The following NYX variants were observed in gnomAD, a reference collection of about 807,000 sequenced individuals.
NYX encodes the protein nyctalopin, also known as leucine-rich repeat protein.
For missense variants in NYX, 481 were observed against 485.4 expected, an observed-to-expected ratio of 0.99 and a Z score of 0.09; for synonymous variants, 258 against 245.7, an observed-to-expected ratio of 1.05 and a Z score of -0.47.
In NYX at chrX:41,456,349, G is replaced by A. The variant is rs767979554; in HGVS notation, c.22+8423G>A. Among the ~76,000 whole-genome samples the A allele has an allele frequency of 8.1e-5, 9 of 111,266 alleles. No individual in the cohort carries two copies. The South Asian group carries it at 3.4e-3, about 42-fold the overall frequency. On this transcript the variant is annotated intron_variant, in intron 2 of 2. Transcript: ENST00000378220. Reference sequence around the variant, plus strand: ...GAGGAGAGGCCAGGAAGAGGGAGATGGTTCTAGAGAGATTAAGGGAGCCTG... The same window carrying A: ...GAGGAGAGGCCAGGAAGAGGGAGATAGTTCTAGAGAGATTAAGGGAGCCTG...
At chrX:41,471,532 G>T (rs2064360104) in intron 2 of NYX, among the ~76,000 whole-genome samples, 1 of 111,974 alleles carries the variant, frequency 8.9e-6, no homozygotes, top group African/African-American at 3.2e-5. Flanking sequence ...TTCCTCTGGA[G>T]CCTCAGTAAA....
chrX:41,451,218 G>A (rs972946974), intron 2 of NYX, among the ~76,000 whole-genome samples: 1 of 111,887 alleles, frequency 8.9e-6, no homozygotes, highest in African/African-American at 3.2e-5. Context: ...TTGCTGCTGG[G>A]AATGTATAAT....
chrX:41,474,983 G>A lies in NYX; in HGVS notation c.*84G>A. Reference sequence around the variant, plus strand: ...AGAGGAGCCGGAATGGAGGGCAGAGGTGAAAATCCCAGTGGAGGGTGGAAG... The same window carrying A: ...AGAGGAGCCGGAATGGAGGGCAGAGATGAAAATCCCAGTGGAGGGTGGAAG... On this transcript the variant is annotated 3_prime_UTR_variant, in exon 3 of 3. Transcript: ENST00000378220. 4.4e-6 allele frequency: 4 copies of A among 909,884 alleles called. No homozygotes were observed. The Admixed American group carries it at 7.8e-5, about 18-fold the overall frequency. 75.0% of individuals were successfully genotyped at this position (909,884 alleles called of 1,213,427 possible). A position where few individuals can be genotyped will look rare whatever the true frequency, so the allele number is the denominator to read the frequency against.
chrX:41,460,876 A>ATTTTTTTTTTTTTTTTTTTT (rs59383905), intron 2 of NYX, among the ~76,000 whole-genome samples: 4 of 24,778 alleles, frequency 1.6e-4, no homozygotes, highest in Admixed American at 6.8e-4. Context: ...CACAGTATGT[A>ATTTTTTTTTTTTTTTTTTTT]TTTTTTTTTT....
chrX:41,471,920 AC>A (rs2064362262), intron 2 of NYX, among the ~76,000 whole-genome samples: 1 of 108,320 alleles, frequency 9.2e-6, no homozygotes, highest in Admixed American at 1.0e-4. Context: ...GAACTTTGCA[AC>A]CTCTTTAATA....
intron 2 of NYX, among the ~76,000 whole-genome samples, chrX:41,468,973 G>C (rs2064350157): frequency 9.0e-6 from 1 of 111,278 alleles, no homozygotes; most frequent in South Asian, 3.8e-4. Flanking sequence ...CTGGAAGCTT[G>C]GTGTCTATCT....
chrX:41,473,929 C>T lies in NYX; in HGVS notation c.461C>T (p.Pro154Leu). Residue 154 changes from proline to leucine, a missense_variant, in exon 3 of 3, where the codon CCG becomes CTG. Coordinates refer to ENST00000378220, the MANE Select transcript of NYX (RefSeq NM_001378477.3). Reference protein sequence around the residue: ...SVPERLLAELPALRELAAFDN... With the variant: ...SVPERLLAELLALRELAAFDN... ...CCCGAGCGCCTCCTGGCCGAACTGC[C>T]GGCCCTGCGCGAACTCGCCGCCTTC... is the stretch of plus-strand genomic sequence containing the variant. 2 of 1,112,590 alleles carry T rather than the reference C, an allele frequency of 1.8e-6. No individual in the cohort carries two copies. Among genetic ancestry groups the T allele is most frequent in the Non-Finnish European group, 2.3e-6 (2 of 852,738 alleles). The allele number at this position is 1,112,590 out of a possible 1,213,427, so 91.7% of individuals were successfully genotyped here.
chrX:41,468,703 G>C lies in NYX; in HGVS notation c.23-4788G>C, dbSNP rs965882714. ...CCTGGAACAGTGTTAGCTATTGTGG[G>C]GTATAAACATGAGTCATATGACTGA... On this transcript the variant is annotated intron_variant, in intron 2 of 2. Transcript: ENST00000378220. Among the ~76,000 whole-genome samples the C allele has an allele frequency of 3.6e-5, 4 of 112,024 alleles. No homozygotes were observed. In the East Asian group the frequency reaches 1.1e-3, roughly 31 times the overall value.
chrX:41,459,052 C>T (rs183708569), intron 2 of NYX, among the ~76,000 whole-genome samples: 3 of 110,548 alleles, frequency 2.7e-5, no homozygotes, highest in African/African-American at 9.8e-5. Context: ...CACTGCACTC[C>T]AGCCTGGGCA....
At position 41,473,811 on chromosome X, in the gene NYX, A is replaced by G; in HGVS notation, c.343A>G (p.Asn115Asp). Residue 115 changes from asparagine (N) to aspartate (D), a missense_variant, in exon 3 of 3, where the codon AAC becomes GAC. Physicochemically the swap from Asn to Asp is conservative, Grantham distance 23. Coordinates refer to ENST00000378220, the MANE Select transcript of NYX (RefSeq NM_001378477.3). ...PRLAELRLAH[N>D]GDLRYLHART... ...CCTGGCTGAGCTGCGCCTGGCGCAC[A>G]ACGGCGACCTGCGCTACCTGCACGC... 9.0e-7 allele frequency: 1 copy of G among 1,117,279 alleles called. No individual in the cohort carries two copies. The highest frequency in any genetic ancestry group is 1.2e-6 in the Non-Finnish European group (1 of 855,140). The allele number at this position is 1,117,279 out of a possible 1,213,427, so 92.1% of individuals were successfully genotyped here.
At chrX:41,460,169 C>CTTT (rs565873921) in intron 2 of NYX, among the ~76,000 whole-genome samples, 20 of 93,279 alleles carry the variant, frequency 2.1e-4, no homozygotes, top group African/African-American at 7.2e-4. Context: ...TATTCTTTTT[C>CTTT]TTTTTTTTTT....
chrX:41,468,270 C>T (rs2064347530), intron 2 of NYX, among the ~76,000 whole-genome samples: 1 of 106,492 alleles, frequency 9.4e-6, no homozygotes, highest in Non-Finnish European at 1.9e-5. Flanking sequence ...GTTGTAATCC[C>T]AGGAGTTCCT....
chrX:41,473,411 T>A, intron 2 of NYX, 80 bp from the exon 3 acceptor site: 1 of 886,514 alleles, frequency 1.1e-6, no homozygotes, highest in Non-Finnish European at 1.4e-6. Flanking sequence ...GGATTTTTCC[T>A]GGGGTGACCT....
At chrX:41,468,364 T>C (rs924290188) in intron 2 of NYX, among the ~76,000 whole-genome samples, 14 of 107,921 alleles carry the variant, frequency 1.3e-4, no homozygotes, top group Non-Finnish European at 2.3e-4. Flanking sequence ...TGATCTCAGC[T>C]CACTGCAACC....
intron 2 of NYX, among the ~76,000 whole-genome samples, chrX:41,451,809 C>T (rs759734720): frequency 9.9e-5 from 11 of 111,253 alleles, no homozygotes; most frequent in Admixed American, 2.9e-4. Context: ...CCACTGCACC[C>T]GACCTTGATT....
rs773113302 is a variant in NYX at position 41,474,362 on chromosome X, T to A, written c.894T>A (p.Gly298=). ...AGGGCGCCTTCCAGAACCTCTCGGG[T>A]CTCCTCGCGCTGCACCTCAACGGCA... is the stretch of plus-strand genomic sequence containing the variant. ...VEEGAFQNLS[G]LLALHLNGNR... The change falls in exon 3 of 3, where the codon GGT becomes GGA. Residue 298 remains glycine, a synonymous_variant. Transcript: ENST00000378220. 2.5e-6 allele frequency: 3 copies of A among 1,207,327 alleles called. No homozygotes were observed. The highest frequency in any genetic ancestry group is 3.4e-6 in the Non-Finnish European group (3 of 895,226).
At chrX:41,451,463 T>C (rs891963732) in intron 2 of NYX, among the ~76,000 whole-genome samples, 1 of 112,009 alleles carries the variant, frequency 8.9e-6, no homozygotes, top group Non-Finnish European at 1.9e-5. Context: ...GATCAACTGA[T>C]ATTCATGACC....
intron 2 of NYX, among the ~76,000 whole-genome samples, chrX:41,454,969 A>G (rs925329566): frequency 9.0e-6 from 1 of 111,416 alleles, no homozygotes; most frequent in African/African-American, 3.3e-5. Context: ...AGAATGGTTC[A>G]TAAGAGCCCA....
chrX:41,460,876 A>ATTTTTTTTTTTTTTTT (rs59383905), intron 2 of NYX, among the ~76,000 whole-genome samples: 1 of 24,778 alleles, frequency 4.0e-5, no homozygotes, highest in African/African-American at 1.5e-4. Context: ...CACAGTATGT[A>ATTTTTTTTTTTTTTTT]TTTTTTTTTT....
Sources: gnomAD v4.1 joint callset for allele counts (sites outside exome capture counted in the v4.1 genomes callset) on GRCh38, gnomAD v4.1.1 for gene constraint, MANE v1.5 for transcripts, NCBI Gene and HGNC (gene_info 2026-07-23, HGNC 2026-07-21) for gene names.